GLIS3: variants seen among roughly 807,000 people sequenced by gnomAD.
GLIS3 encodes zinc finger protein GLIS3.
A neutral mutation model predicts 78.6 loss-of-function variants in GLIS3; 53 were observed. The observed-to-expected ratio is 0.67, with a 90% CI of 0.54 to 0.85. The LOEUF (loss-of-function observed/expected upper bound fraction) is 0.85. Ranked by LOEUF, GLIS3 falls within the 40% of genes least tolerant of loss-of-function variation. GLIS3 has a pLI of 0.00. For missense variants in GLIS3, 1,703 were observed against 1,231.1 expected (o/e 1.38, Z -5.74); for synonymous variants, 684 against 509.9 (o/e 1.34, Z -4.60).
At chr9:4,318,160 C>T (rs975200557) in intron 2 of GLIS3, among the ~76,000 whole-genome samples, 2 of 151,932 alleles carry the variant, frequency 1.3e-5, no homozygotes, top group East Asian at 1.9e-4. Context: ...GGTCTTGCTG[C>T]GGGAGAAGTG....
chr9:3,869,213 A>G (rs995327913), intron 8 of GLIS3, among the ~76,000 whole-genome samples: 4 of 152,198 alleles, frequency 2.6e-5, no homozygotes, highest in African/African-American at 9.7e-5. Flanking sequence ...GATATGATGT[A>G]TATGACTATT....
chr9:4,022,645 T>C (rs1588471738), intron 4 of GLIS3, among the ~76,000 whole-genome samples: 1 of 152,144 alleles, frequency 6.6e-6, no homozygotes, highest in African/African-American at 2.4e-5. Context: ...GGACTTCTTA[T>C]TCACAATAGT....
At chr9:4,245,329 G>C (rs1357885143) in intron 2 of GLIS3, among the ~76,000 whole-genome samples, 1 of 152,150 alleles carries the variant, frequency 6.6e-6, no homozygotes, top group East Asian at 1.9e-4. Flanking sequence ...TTTTACAAAA[G>C]GTAAAAGTCA....
intron 9 of GLIS3, among the ~76,000 whole-genome samples, chr9:3,830,100 G>A (rs555826428): frequency 6.6e-6 from 1 of 152,244 alleles, no homozygotes; most frequent in Non-Finnish European, 1.5e-5. Flanking sequence ...TTATGAAAAT[G>A]TTAGAAAATA....
intron 6 of GLIS3, among the ~76,000 whole-genome samples, chr9:3,919,923 C>T (rs1471330815): frequency 6.6e-6 from 1 of 151,640 alleles, no homozygotes; most frequent in African/African-American, 2.4e-5. Flanking sequence ...TATTGTTGGC[C>T]CTCCCATTTC....
chr9:3,846,501 T>C (rs952660766), intron 9 of GLIS3, among the ~76,000 whole-genome samples: 3 of 152,204 alleles, frequency 2.0e-5, no homozygotes, highest in African/African-American at 7.2e-5. Flanking sequence ...ATTCTCTCAT[T>C]CTTGTGCCAA....
intron 2 of GLIS3, among the ~76,000 whole-genome samples, chr9:4,208,693 G>C (rs917190729): frequency 1.3e-5 from 2 of 152,298 alleles, no homozygotes; most frequent in South Asian, 2.1e-4. Context: ...AAAAACCCTG[G>C]ATGGTTGCTA....
At chr9:4,011,017 G>T (rs1280104685) in intron 4 of GLIS3, among the ~76,000 whole-genome samples, 1 of 152,174 alleles carries the variant, frequency 6.6e-6, no homozygotes, top group African/African-American at 2.4e-5. Context: ...AGCTACTCAA[G>T]ATGGATAGGA....
intron 2 of GLIS3, among the ~76,000 whole-genome samples, chr9:4,189,569 G>T (rs1818136386): frequency 6.6e-6 from 1 of 152,108 alleles, no homozygotes; most frequent in Non-Finnish European, 1.5e-5. Context: ...CTGTCTCGTT[G>T]ATCTGTCTAA....
chr9:3,865,979 C>A (rs1405145771), intron 8 of GLIS3, among the ~76,000 whole-genome samples: 3 of 152,220 alleles, frequency 2.0e-5, no homozygotes, highest in African/African-American at 4.8e-5. Flanking sequence ...GAGTGCCCCA[C>A]AGAAACTGAC....
At chr9:4,293,045 C>T (rs1816160654) in intron 1 of GLIS3, among the ~76,000 whole-genome samples, 1 of 152,146 alleles carries the variant, frequency 6.6e-6, no homozygotes, top group Non-Finnish European at 1.5e-5. Flanking sequence ...GGAGATGTTT[C>T]TTTCAAGAAA....
chr9:3,860,458 T>C (rs916942094), intron 8 of GLIS3, among the ~76,000 whole-genome samples: 10 of 152,056 alleles, frequency 6.6e-5, no homozygotes, highest in African/African-American at 2.4e-4. Context: ...CCCCCTGTTA[T>C]CATTGAACTC....
intron 2 of GLIS3, among the ~76,000 whole-genome samples, chr9:4,278,214 A>G (rs1827204029): frequency 6.6e-6 from 1 of 152,152 alleles, no homozygotes; most frequent in Non-Finnish European, 1.5e-5. Context: ...ATCTTTCTCT[A>G]ATATATTTCC....
intron 1 of GLIS3, chr9:4,298,389 T>TA (rs890465747): frequency 1.5e-5 from 7 of 456,036 alleles, no homozygotes; most frequent in African/African-American, 1.4e-4. Context: ...GGTACCTAAT[T>TA]GAATCATCCA....
Position 3,828,312 on chromosome 9 carries a change from C to T in GLIS3, c.2753G>A (p.Arg918His), listed in dbSNP as rs147357710. The T allele has an allele frequency of 1.8e-4, 284 of 1,613,438 alleles. 1 individual carries two copies. The East Asian group carries it at 4.2e-3, about 24-fold the overall frequency. ...GACAGAGGAGAGCTGGCTAGGACAG[C>T]GGTCCACGGTGCTGATCTGCAAGAA... Reference protein sequence around the residue: ...ATFLQISTVDRCPSQLSSVYT... With the variant: ...ATFLQISTVDHCPSQLSSVYT... The change falls in exon 11 of 11, where the codon CGC becomes CAC. Residue 918 changes from arginine (R) to histidine (H), a missense_variant. By Grantham distance (29) the Arg-to-His change is conservative. Transcript: ENST00000381971.
At chr9:4,477,233 A>G in the GLIS3 span, among the ~76,000 whole-genome samples, 607 of 152,212 alleles carry the variant, frequency 4.0e-3, 5 homozygotes, top group African/African-American at 0.014. Context: ...TTAGCCTTAC[A>G]AAGGAAGGAA....
At chr9:4,102,779 G>C (rs189876791) in intron 4 of GLIS3, among the ~76,000 whole-genome samples, 87 of 152,170 alleles carry the variant, frequency 5.7e-4, no homozygotes, top group African/African-American at 2.0e-3. Flanking sequence ...TTAAGCACTG[G>C]ATATGCTTTT....
intron 6 of GLIS3, among the ~76,000 whole-genome samples, chr9:3,921,720 AATATTT>A: frequency 6.6e-6 from 1 of 152,296 alleles, no homozygotes; most frequent in South Asian, 2.1e-4. Context: ...AAATATATGC[AATATTT>A]ATGACAATTA....
intron 4 of GLIS3, among the ~76,000 whole-genome samples, chr9:3,947,505 T>A (rs919324169): frequency 6.6e-6 from 1 of 152,262 alleles, no homozygotes; most frequent in Non-Finnish European, 1.5e-5. Flanking sequence ...GCACACACTT[T>A]AACACTTGCA....
Sources: gnomAD v4.1 joint callset for allele counts (sites outside exome capture counted in the v4.1 genomes callset) on GRCh38, gnomAD v4.1.1 for gene constraint, MANE v1.5 for transcripts, NCBI Gene and HGNC (gene_info 2026-07-23, HGNC 2026-07-21) for gene names.